The following LRRTM4 variants were observed in gnomAD, a reference collection of about 807,000 sequenced individuals.
LRRTM4 encodes leucine rich repeat transmembrane neuronal 4.
Under a neutral mutation model 47.6 loss-of-function variants are expected in LRRTM4, and 25 were observed. The ratio of observed to expected loss-of-function variants is 0.53; its 90% CI spans 0.38 to 0.73. LRRTM4 has a LOEUF of 0.73. Among genes scored for constraint, LRRTM4 ranks in the 30% least tolerant of loss-of-function variants. LRRTM4 has a pLI of 0.00. For missense variants in LRRTM4, 638 were observed against 713.4 expected, an observed-to-expected ratio of 0.89 and a Z score of 1.20; for synonymous variants, 311 against 269.5, an observed-to-expected ratio of 1.15 and a Z score of -1.51.
intron 3 of LRRTM4, among the ~76,000 whole-genome samples, chr2:77,063,518 A>G (rs1679859983): frequency 6.6e-6 from 1 of 152,144 alleles, no homozygotes; most frequent in Admixed American, 6.5e-5. Flanking sequence ...GCTTTTTTTA[A>G]TGATATCAAT....
rs115132336 is a variant in LRRTM4, at chr2:77,373,535, T to C, written c.1551+144783A>G. Among the ~76,000 whole-genome samples the C allele has an allele frequency of 2.9e-3, 445 of 151,774 alleles. 2 individuals are homozygous for C. The highest frequency in any genetic ancestry group is 0.01 in the African/African-American group (424 of 41,478). On this transcript the variant is annotated intron_variant, in intron 3 of 3. Coordinates refer to ENST00000409884, the MANE Select transcript of LRRTM4 (RefSeq NM_001134745.3). Reference sequence around the variant, plus strand: ...TTATTTTGAAAAACAATCAGACTTATTAGAAATTGTAAAGTTAGCATAGAA... The same window carrying C: ...TTATTTTGAAAAACAATCAGACTTACTAGAAATTGTAAAGTTAGCATAGAA...
At chr2:77,225,406 A>T (rs567706545) in intron 3 of LRRTM4, among the ~76,000 whole-genome samples, 1 of 146,668 alleles carries the variant, frequency 6.8e-6, no homozygotes, top group African/African-American at 2.7e-5. Flanking sequence ...GTGTATGCGG[A>T]TGAACACAAA....
intron 3 of LRRTM4, among the ~76,000 whole-genome samples, chr2:76,803,125 A>G (rs1275119084): frequency 6.6e-6 from 1 of 152,140 alleles, no homozygotes; most frequent in East Asian, 1.9e-4. Flanking sequence ...ATATCAATCT[A>G]AAAAACTTCT....
At chr2:77,444,904 A>C (rs1197221822) in intron 3 of LRRTM4, among the ~76,000 whole-genome samples, 1 of 149,352 alleles carries the variant, frequency 6.7e-6, no homozygotes, top group African/African-American at 2.5e-5. Flanking sequence ...ATATGCACCT[A>C]AGCACATAGG....
At position 77,044,113 on chromosome 2, in the gene LRRTM4, AC is replaced by A. The variant is rs1286766999; in HGVS notation, c.1552-295198del. On this transcript the variant is annotated intron_variant, in intron 3 of 3. Transcript: ENST00000409884. ...AATGCCTTAGATATTCTGAGGAAGG[AC>A]CTGGAATTATTTAAATGACTGCTCT... Among the ~76,000 whole-genome samples the A allele has an allele frequency of 2.6e-5, 4 of 151,728 alleles. No homozygotes were observed. The Admixed American group carries it at 2.6e-4, about 10-fold the overall frequency.
chr2:77,188,645 A>G (rs1673579918), intron 3 of LRRTM4, among the ~76,000 whole-genome samples: 2 of 152,170 alleles, frequency 1.3e-5, no homozygotes, highest in African/African-American at 4.8e-5. Context: ...GCCACACTTG[A>G]AGGATGGCCC....
At chr2:77,088,258 T>C (rs1380246684) in intron 3 of LRRTM4, among the ~76,000 whole-genome samples, 1 of 152,134 alleles carries the variant, frequency 6.6e-6, no homozygotes, top group Admixed American at 6.5e-5. Context: ...AGCAATCGCG[T>C]CCCCTGTGAC....
chr2:77,499,473 G>C (rs1183490300), intron 3 of LRRTM4, among the ~76,000 whole-genome samples: 1 of 151,840 alleles, frequency 6.6e-6, no homozygotes, highest in East Asian at 1.9e-4. Flanking sequence ...GAGATGCAAA[G>C]ATATTAAGGC....
chr2:77,417,335 G>T (rs923597342), intron 3 of LRRTM4, among the ~76,000 whole-genome samples: 1 of 152,016 alleles, frequency 6.6e-6, no homozygotes, highest in African/African-American at 2.4e-5. Flanking sequence ...TCAGTGTGGC[G>T]ATTCCTCAGG....
At chr2:77,132,328 CTT>C (rs1380469476) in intron 3 of LRRTM4, among the ~76,000 whole-genome samples, 1 of 151,998 alleles carries the variant, frequency 6.6e-6, no homozygotes, top group Non-Finnish European at 1.5e-5. Context: ...TAATTTTATT[CTT>C]TTTTATGATT....
chr2:76,804,041 C>G (rs988383738), intron 3 of LRRTM4, among the ~76,000 whole-genome samples: 1 of 152,104 alleles, frequency 6.6e-6, no homozygotes, highest in Non-Finnish European at 1.5e-5. Flanking sequence ...GGGACAGCCT[C>G]TTGATAGCTT....
chr2:77,518,283 A>AG (rs1481239283), intron 3 of LRRTM4, 35 bp downstream of exon 3: 1 of 1,535,270 alleles, frequency 6.5e-7, no homozygotes, highest in Admixed American at 2.0e-5. Context: ...CCTTCCCCGC[A>AG]GTAGAAATGC....
At chr2:77,220,140 A>T (rs559961151) in intron 3 of LRRTM4, among the ~76,000 whole-genome samples, 6 of 152,240 alleles carry the variant, frequency 3.9e-5, no homozygotes, top group Non-Finnish European at 8.8e-5. Context: ...CGTGCAGCTG[A>T]GGGTCCTGAC....
At chr2:77,443,924 G>T (rs1675944759) in intron 3 of LRRTM4, among the ~76,000 whole-genome samples, 2 of 151,964 alleles carry the variant, frequency 1.3e-5, no homozygotes, top group South Asian at 4.2e-4. Context: ...AAATAAAAAA[G>T]AGTAATATAT....
intron 3 of LRRTM4, among the ~76,000 whole-genome samples, chr2:76,773,780 T>C (rs1483066719): frequency 2.0e-5 from 3 of 151,590 alleles, no homozygotes; most frequent in South Asian, 2.1e-4. Flanking sequence ...TAAAGAGAAA[T>C]TGAACAATTC....
intron 3 of LRRTM4, among the ~76,000 whole-genome samples, chr2:76,980,484 C>A (rs1028885716): frequency 1.3e-5 from 2 of 152,086 alleles, no homozygotes; most frequent in African/African-American, 4.8e-5. Flanking sequence ...AATAGTCCTA[C>A]TACCTTATGT....
chr2:77,178,384 G>T (rs879272845), intron 3 of LRRTM4, among the ~76,000 whole-genome samples: 2 of 152,048 alleles, frequency 1.3e-5, no homozygotes, highest in Non-Finnish European at 2.9e-5. Context: ...TCAGGAGTTC[G>T]AGACCAGCCT....
At chr2:77,461,515 T>G (rs1676788462) in intron 3 of LRRTM4, among the ~76,000 whole-genome samples, 1 of 152,052 alleles carries the variant, frequency 6.6e-6, no homozygotes, top group Non-Finnish European at 1.5e-5. Context: ...TACCTCTAAT[T>G]ACCTCCATGG....
intron 3 of LRRTM4, among the ~76,000 whole-genome samples, chr2:77,399,287 A>AAATTGAGCT (rs1673842013): frequency 6.6e-6 from 1 of 151,808 alleles, no homozygotes; most frequent in African/African-American, 2.4e-5. Flanking sequence ...TAGAATGGCT[A>AAATTGAGCT]AATTGAGCTA....
Sources: gnomAD v4.1 joint callset for allele counts (sites outside exome capture counted in the v4.1 genomes callset) on GRCh38, gnomAD v4.1.1 for gene constraint, MANE v1.5 for transcripts, NCBI Gene and HGNC (gene_info 2026-07-23, HGNC 2026-07-21) for gene names.